The following CTNNA2 variants were observed in gnomAD, a reference collection of about 807,000 sequenced individuals.
CTNNA2 encodes catenin alpha-2.
In CTNNA2, 42 loss-of-function variants were observed where a neutral mutation model predicts 101.0. That is an observed-to-expected ratio of 0.42 (90% CI 0.32 to 0.54). The LOEUF (loss-of-function observed/expected upper bound fraction) is 0.54, where lower values mean the gene tolerates loss of function less well. Ranked by LOEUF, CTNNA2 falls within the 20% of genes least tolerant of loss-of-function variation. The pLI, the probability that CTNNA2 is intolerant of heterozygous loss-of-function variation, is 0.14. For synonymous variants in CTNNA2, 450 were observed against 456.4 expected (o/e 0.99, Z 0.18); for missense variants, 871 against 1,223.1 (o/e 0.71, Z 4.29).
chr2:80,388,171 T>A (rs187554093), intron 7 of CTNNA2, among the ~76,000 whole-genome samples: 4 of 152,242 alleles, frequency 2.6e-5, no homozygotes, highest in African/African-American at 7.2e-5. Context: ...CGTTTAGATA[T>A]GGAATGGAAA....
At chr2:79,841,367 T>G (rs1679794561) in intron 3 of CTNNA2, among the ~76,000 whole-genome samples, 1 of 152,218 alleles carries the variant, frequency 6.6e-6, no homozygotes, top group Non-Finnish European at 1.5e-5. Context: ...GAATATTAAA[T>G]ACTATTAGCA....
chr2:80,109,196 C>T (rs965780424), intron 7 of CTNNA2, among the ~76,000 whole-genome samples: 1 of 152,182 alleles, frequency 6.6e-6, no homozygotes, highest in Non-Finnish European at 1.5e-5. Context: ...CATGGTGGCT[C>T]ACGCCTGTAA....
At chr2:80,467,323 T>A (rs1210920004) in intron 9 of CTNNA2, among the ~76,000 whole-genome samples, 1 of 152,160 alleles carries the variant, frequency 6.6e-6, no homozygotes, top group African/African-American at 2.4e-5. Context: ...GAAAATCAAA[T>A]AAAGTCTCTA....
At chr2:79,491,851 A>C (rs1349908698) in intron 4 of CTNNA2, among the ~76,000 whole-genome samples, 1 of 152,172 alleles carries the variant, frequency 6.6e-6, no homozygotes, top group Non-Finnish European at 1.5e-5. Context: ...TTAGGTTTTA[A>C]AAATCTGATT....
chr2:79,406,602 T>C (rs1317106920), intron 4 of CTNNA2, among the ~76,000 whole-genome samples: 2 of 152,062 alleles, frequency 1.3e-5, no homozygotes, highest in South Asian at 2.1e-4. Flanking sequence ...TATCAGTTAC[T>C]GATTACTCAA....
intron 7 of CTNNA2, among the ~76,000 whole-genome samples, chr2:79,936,966 G>C (rs1231886946): frequency 6.6e-6 from 1 of 152,114 alleles, no homozygotes; most frequent in Non-Finnish European, 1.5e-5. Flanking sequence ...TGTTTGCTAA[G>C]TATTGATGTG....
At chr2:79,784,813 A>T (rs1330481786) in intron 3 of CTNNA2, among the ~76,000 whole-genome samples, 3 of 152,106 alleles carry the variant, frequency 2.0e-5, no homozygotes, top group Non-Finnish European at 4.4e-5. Context: ...GTAATGTTGA[A>T]AAAAAGCAGT....
chr2:79,589,716 T>C (rs111866350), intron 1 of CTNNA2, among the ~76,000 whole-genome samples: 2 of 58,514 alleles, frequency 3.4e-5, no homozygotes, highest in African/African-American at 5.6e-5. Context: ...ATCTTTTTTT[T>C]TCCCCCCCCC....
intron 7 of CTNNA2, among the ~76,000 whole-genome samples, chr2:80,360,295 G>A (rs1273433632): frequency 1.3e-5 from 2 of 151,992 alleles, no homozygotes; most frequent in Non-Finnish European, 2.9e-5. Context: ...CCATTTTGAT[G>A]GATAATTATG....
At chr2:79,880,291 ATCTCT>A (rs1683328083) in intron 6 of CTNNA2, among the ~76,000 whole-genome samples, 1 of 151,816 alleles carries the variant, frequency 6.6e-6, no homozygotes, top group Admixed American at 6.6e-5. Flanking sequence ...TTTTTATTGC[ATCTCT>A]TCTCAGTTTC....
intron 3 of CTNNA2, among the ~76,000 whole-genome samples, chr2:79,352,313 G>A (rs62156643): frequency 0.015 from 2,312 of 152,116 alleles, 18 homozygotes; most frequent in Non-Finnish European, 0.024. Flanking sequence ...TCAATCTTGA[G>A]AGATTGTGTA....
intron 7 of CTNNA2, among the ~76,000 whole-genome samples, chr2:80,061,268 G>T (rs1268091929): frequency 6.6e-6 from 1 of 152,072 alleles, no homozygotes; most frequent in Non-Finnish European, 1.5e-5. Flanking sequence ...AGGCAAAACT[G>T]TGCATGCGTT....
Position 79,871,339 on chromosome 2 carries a change from C to T in CTNNA2, c.585+1404C>T, listed in dbSNP as rs546330353. ...TTATTTTTAAGTATGTTTTTATCAGCAGAATTCCTTGTTGAAAGGGAATCT... is the reference window on the plus strand; with the variant it reads ...TTATTTTTAAGTATGTTTTTATCAGTAGAATTCCTTGTTGAAAGGGAATCT... On this transcript the variant is annotated intron_variant, in intron 5 of 18. Transcript: ENST00000402739. 2.0e-5 allele frequency among the ~76,000 whole-genome samples: 3 copies of T among 152,190 alleles called. No individual in the cohort carries two copies. The South Asian group carries it at 6.2e-4, about 32-fold the overall frequency.
intron 6 of CTNNA2, among the ~76,000 whole-genome samples, chr2:79,875,269 G>A (rs1558602711): frequency 6.6e-6 from 1 of 152,072 alleles, no homozygotes; most frequent in Non-Finnish European, 1.5e-5. Context: ...ATTCCCCCCG[G>A]GTCAGAGGAC....
chr2:79,428,173 T>C (rs1232992908), intron 4 of CTNNA2, among the ~76,000 whole-genome samples: 1 of 152,080 alleles, frequency 6.6e-6, no homozygotes, highest in Non-Finnish European at 1.5e-5. Context: ...ATTTTTTTTT[T>C]AATGCAGAAC....
At chr2:80,295,615 A>G (rs531325336) in intron 7 of CTNNA2, among the ~76,000 whole-genome samples, 1 of 152,336 alleles carries the variant, frequency 6.6e-6, no homozygotes, top group South Asian at 2.1e-4. Context: ...GGTAAAATAG[A>G]AGCCCCAAAC....
At chr2:79,647,634 A>AC (rs1223823495) in intron 1 of CTNNA2, among the ~76,000 whole-genome samples, 1 of 152,238 alleles carries the variant, frequency 6.6e-6, no homozygotes, top group East Asian at 1.9e-4. Flanking sequence ...GCTACCTAGA[A>AC]CAATGCCTGG....
chr2:80,508,851 C>T (rs765320081), intron 9 of CTNNA2, among the ~76,000 whole-genome samples: 24 of 152,256 alleles, frequency 1.6e-4, no homozygotes, highest in Non-Finnish European at 2.6e-4. Flanking sequence ...GGTCTCCCCT[C>T]GACTTTGCAG....
chr2:80,140,566 A>G (rs1158256446), intron 7 of CTNNA2, among the ~76,000 whole-genome samples: 3 of 152,016 alleles, frequency 2.0e-5, no homozygotes, highest in African/African-American at 7.2e-5. Context: ...AGATGCTCCA[A>G]CCCCACCAGG....
Sources: allele counts gnomAD v4.1 joint callset (sites outside exome capture counted in the v4.1 genomes callset), GRCh38; gene constraint gnomAD v4.1.1; transcripts MANE v1.5; gene names NCBI Gene and HGNC (gene_info 2026-07-23, HGNC 2026-07-21).